Variants in TRUB1 observed in about 807,000 individuals in gnomAD.
TRUB1 encodes pseudouridylate synthase TRUB1.
In TRUB1, 23 loss-of-function variants were observed where a neutral mutation model predicts 33.9. That is an observed-to-expected ratio of 0.68 (90% CI 0.49 to 0.96). The LOEUF (loss-of-function observed/expected upper bound fraction) is 0.96, where lower values mean the gene tolerates loss of function less well. TRUB1 is among the 40% of genes least tolerant of loss of function. The probability of loss-of-function intolerance (pLI) is 0.00; values close to 1 mark genes in which losing one functional copy is unlikely to be tolerated. For missense variants in TRUB1, 378 were observed against 422.2 expected (o/e 0.90, Z 0.92); for synonymous variants, 163 against 165.4 (o/e 0.99, Z 0.11).
In TRUB1 at chr10:114,939,025, C is replaced by T. The variant is rs1322560796; in HGVS notation, c.286+486C>T. ...GAGTCTCTTGTACAAATACAGATTC[C>T]TAATCCCTGCCCTGTCCGAGATTGT... On this transcript the variant is annotated intron_variant, in intron 1 of 7. Coordinates refer to ENST00000298746, the MANE Select transcript of TRUB1 (RefSeq NM_139169.5). Among the ~76,000 whole-genome samples the T allele has an allele frequency of 4.6e-5, 7 of 152,302 alleles. No homozygotes were observed. In the East Asian group the frequency reaches 1.4e-3, roughly 29 times the overall value.
chr10:114,960,556 C>G (rs576562076), intron 4 of TRUB1, among the ~76,000 whole-genome samples: 2 of 152,046 alleles, frequency 1.3e-5, no homozygotes, highest in Non-Finnish European at 2.9e-5. Context: ...ATCCTTATTA[C>G]GTACTGCATA....
rs775564900 is a variant in TRUB1, at chr10:114,974,419, A to G, written c.793+34A>G. The G allele has an allele frequency of 6.5e-6, 10 of 1,550,262 alleles. 1 individual carries two copies. The South Asian group carries it at 1.1e-4, about 17-fold the overall frequency. On this transcript the variant is annotated intron_variant, in intron 7 of 7. Transcript: ENST00000298746. ...AAAAATGAATTATGAATTATCATTT[A>G]GAGAATAATACTCCTTTTCAATTGG...
intron 3 of TRUB1, among the ~76,000 whole-genome samples, chr10:114,959,242 C>T (rs1425427453): frequency 6.6e-6 from 1 of 152,092 alleles, no homozygotes; most frequent in Non-Finnish European, 1.5e-5. Context: ...AATACATGAC[C>T]TAGTTACTAA....
chr10:114,960,966 C>T (rs2084282712), intron 4 of TRUB1, among the ~76,000 whole-genome samples: 1 of 152,000 alleles, frequency 6.6e-6, no homozygotes, highest in Admixed American at 6.6e-5. Flanking sequence ...GAACAGTAGT[C>T]CTGGGGTAAT....
rs74894520 is a variant in TRUB1 at position 114,949,266 on chromosome 10, A to G, written c.386-1828A>G. On this transcript the variant is annotated intron_variant, in intron 2 of 7. Transcript: ENST00000298746. ...ATTATGTGCATAGTAGTTGTTCAAGAAAAATTGATTGGAGATTTATTTGAA... is the reference window on the plus strand; with the variant it reads ...ATTATGTGCATAGTAGTTGTTCAAGGAAAATTGATTGGAGATTTATTTGAA... Among the ~76,000 whole-genome samples the G allele has an allele frequency of 7.3e-3, 1,109 of 152,326 alleles. 18 individuals are homozygous for G. The highest frequency in any genetic ancestry group is 0.026 in the African/African-American group (1,069 of 41,570).
chr10:114,954,357 A>T (rs896560003), intron 3 of TRUB1, among the ~76,000 whole-genome samples: 1 of 152,224 alleles, frequency 6.6e-6, no homozygotes, highest in Non-Finnish European at 1.5e-5. Flanking sequence ...TTCTTGCTGA[A>T]TCAAGAAACA....
At chr10:114,968,539 C>T (rs1283705689) in intron 4 of TRUB1, among the ~76,000 whole-genome samples, 3 of 146,660 alleles carry the variant, frequency 2.0e-5, no homozygotes, top group African/African-American at 8.2e-5. Context: ...CTTAATGTTG[C>T]TGTAGACTAA....
intron 4 of TRUB1, among the ~76,000 whole-genome samples, chr10:114,964,909 C>T (rs1446621300): frequency 1.3e-5 from 2 of 148,322 alleles, no homozygotes; most frequent in South Asian, 2.1e-4. Context: ...TGCTTTATTT[C>T]TTATAGATTT....
rs929230327 is a variant in TRUB1 at position 114,960,557 on chromosome 10, G to A, written c.523+750G>A. Among the ~76,000 whole-genome samples, 20 of 152,032 alleles carry A rather than the reference G, an allele frequency of 1.3e-4. 1 individual carries two copies. The East Asian group carries it at 2.1e-3, about 16-fold the overall frequency. Reference sequence around the variant, plus strand: ...TTTTTGTGTTGATTATCCTTATTACGTACTGCATATTGCCCCAGTAGTGAG... The same window carrying A: ...TTTTTGTGTTGATTATCCTTATTACATACTGCATATTGCCCCAGTAGTGAG... On this transcript the variant is annotated intron_variant, in intron 4 of 7. Coordinates refer to ENST00000298746, the MANE Select transcript of TRUB1 (RefSeq NM_139169.5).
At chr10:114,942,544 G>A (rs2084192526) in intron 1 of TRUB1, 101 bp from the exon 2 acceptor site, 1 of 725,908 alleles carries the variant, frequency 1.4e-6, no homozygotes, top group Admixed American at 2.5e-5. Context: ...AATACTTTTT[G>A]TTTGTTTTGA....
chr10:114,938,758 GA>G (rs1300209675), intron 1 of TRUB1, among the ~76,000 whole-genome samples: 2 of 152,074 alleles, frequency 1.3e-5, no homozygotes, highest in East Asian at 1.9e-4. Context: ...TCAACGGGAG[GA>G]AAAAAATCCC....
chr10:114,977,161 A>T lies in TRUB1; in HGVS notation c.*1782A>T, dbSNP rs2084364884. The T allele has an allele frequency of 1.3e-5, 2 of 152,130 alleles. No homozygotes were observed. The highest frequency in any genetic ancestry group is 4.8e-5 in the African/African-American group (2 of 41,442). The allele number at this position is 152,130 out of a possible 1,614,324, so 9.4% of individuals were successfully genotyped here. ...GCCACTCTTTTTCTTTTATGTTTAA[A>T]ACTGAAGTTTTGCCAAATGGGAAAA... On this transcript the variant is annotated 3_prime_UTR_variant, in exon 8 of 8. Transcript: ENST00000298746.
chr10:114,941,749 C>A (rs1008468810), intron 1 of TRUB1, among the ~76,000 whole-genome samples: 6 of 152,076 alleles, frequency 3.9e-5, no homozygotes, highest in African/African-American at 1.2e-4. Context: ...AGCTGCTTTC[C>A]ACATAACGTT....
chr10:114,958,136 G>A (rs183719716), intron 3 of TRUB1, among the ~76,000 whole-genome samples: 21 of 152,320 alleles, frequency 1.4e-4, no homozygotes, highest in Non-Finnish European at 1.9e-4. Flanking sequence ...TTGTGGTACA[G>A]TCAGAATTCA....
chr10:114,961,129 C>T (rs2084283640), intron 4 of TRUB1, among the ~76,000 whole-genome samples: 1 of 151,928 alleles, frequency 6.6e-6, no homozygotes, highest in Admixed American at 6.6e-5. Flanking sequence ...TTTTCCATCT[C>T]CAAAATGACA....
chr10:114,939,512 G>A (rs570623257), intron 1 of TRUB1, among the ~76,000 whole-genome samples: 35 of 152,100 alleles, frequency 2.3e-4, no homozygotes, highest in Non-Finnish European at 4.4e-5. Flanking sequence ...ACATTGTTTA[G>A]TGTCCCATGG....
intron 3 of TRUB1, among the ~76,000 whole-genome samples, chr10:114,958,231 T>G (rs928772792): frequency 1.3e-5 from 2 of 152,178 alleles, no homozygotes; most frequent in African/African-American, 4.8e-5. Flanking sequence ...TTAGTCGAGG[T>G]TGATTGTCCC....
intron 3 of TRUB1, 84 bp downstream of exon 3, chr10:114,951,233 C>T: frequency 1.0e-6 from 1 of 1,004,424 alleles, no homozygotes; most frequent in Non-Finnish European, 1.5e-6. Flanking sequence ...AAAAAATAAA[C>T]TGAGTAAACT....
At chr10:114,938,882 A>C (rs1321476996) in intron 1 of TRUB1, among the ~76,000 whole-genome samples, 1 of 152,218 alleles carries the variant, frequency 6.6e-6, no homozygotes, top group Non-Finnish European at 1.5e-5. Flanking sequence ...AAAAGGAAGT[A>C]CTGGTTCTGC....
Sources: gnomAD v4.1 joint callset for allele counts (sites outside exome capture counted in the v4.1 genomes callset) on GRCh38, gnomAD v4.1.1 for gene constraint, MANE v1.5 for transcripts, NCBI Gene and HGNC (gene_info 2026-07-23, HGNC 2026-07-21) for gene names.